SCRT2: variants seen among roughly 807,000 people sequenced by gnomAD.
SCRT2 encodes scratch family transcriptional repressor 2, also known as transcriptional repressor scratch 2.
SCRT2 carries 2 observed loss-of-function variants against 3.7 expected under a neutral mutation model. The observed-to-expected ratio is 0.54, with a 90% CI of 0.22 to 1.70. The LOEUF is 1.70. Among genes scored for constraint, SCRT2 ranks in the 40% most tolerant of loss-of-function variants. The pLI is 0.19. For missense variants in SCRT2, 456 were observed against 468.5 expected, an observed-to-expected ratio of 0.97 and a Z score of 0.25; for synonymous variants, 256 against 220.6, an observed-to-expected ratio of 1.16 and a Z score of -1.42.
At position 667,472 on chromosome 20, in the gene SCRT2, G is replaced by A. The variant is rs1310246777; in HGVS notation, c.134-3011C>T. Among the ~76,000 whole-genome samples the A allele has an allele frequency of 3.3e-5, 5 of 152,080 alleles. No individual in the cohort carries two copies. Among genetic ancestry groups the A allele is most frequent in the Middle Eastern group, 3.2e-3 (1 of 316 alleles). Reference sequence around the variant, plus strand: ...CAACACATCGTGCTGCTCCTCTCTGGGCCTCTGTTTCCTCACCCGGGATGT... The same window carrying A: ...CAACACATCGTGCTGCTCCTCTCTGAGCCTCTGTTTCCTCACCCGGGATGT... On this transcript the variant is annotated intron_variant, in intron 1 of 1. Coordinates refer to ENST00000246104, the MANE Select transcript of SCRT2 (RefSeq NM_033129.4). The surrounding 1 kb of genome is among the most constrained non-coding windows in gnomAD (Gnocchi z 4.4).
In SCRT2 at chr20:664,820, A is replaced by C. The variant is rs1984107420; in HGVS notation, c.134-359T>G. On this transcript the variant is annotated intron_variant, in intron 1 of 1. Transcript: ENST00000246104. The surrounding 1 kb of genome is among the most constrained non-coding windows in gnomAD (Gnocchi z 7.9). ...GATGCAGCAGTCTAACCTTACAGTC[A>C]GGAAGTGATGGAGCCCTTGCCAGTG... 6.6e-6 allele frequency among the ~76,000 whole-genome samples: 1 copy of C among 152,252 alleles called. No individual in the cohort carries two copies. The highest frequency in any genetic ancestry group is 2.4e-5 in the African/African-American group (1 of 41,470).
rs931386443 is a variant in SCRT2 at position 663,418 on chromosome 20, G to A, written c.*253C>T. 8 of 375,028 alleles carry A rather than the reference G, an allele frequency of 2.1e-5. No homozygotes were observed. In the South Asian group the frequency reaches 5.8e-4, roughly 27 times the overall value. The allele number at this position is 375,028 out of a possible 1,614,324, so 23.2% of individuals were successfully genotyped here. ...CCTGAGTTGGGAGCCTTGAAGGCGCGGACAGGGGGGTCAAGGTCCGAGGGA... is the reference window on the plus strand; with the variant it reads ...CCTGAGTTGGGAGCCTTGAAGGCGCAGACAGGGGGGTCAAGGTCCGAGGGA... On this transcript the variant is annotated 3_prime_UTR_variant, in exon 2 of 2. Transcript: ENST00000246104. The surrounding 1 kb of genome is among the most constrained non-coding windows in gnomAD (Gnocchi z 6.9).
Position 667,585 on chromosome 20 carries a change from T to G in SCRT2, c.134-3124A>C, listed in dbSNP as rs1385443126. On this transcript the variant is annotated intron_variant, in intron 1 of 1. Coordinates refer to ENST00000246104, the MANE Select transcript of SCRT2 (RefSeq NM_033129.4). The surrounding 1 kb of genome is among the most constrained non-coding windows in gnomAD (Gnocchi z 4.4). ...AACCAGAGCGTTCTCCATGAGGTGC[T>G]CTGCCCATGGCGCCCTCTGCTGGTG... 1.3e-5 allele frequency among the ~76,000 whole-genome samples: 2 copies of G among 152,198 alleles called. No individual in the cohort carries two copies. The highest frequency in any genetic ancestry group is 4.8e-5 in the African/African-American group (2 of 41,454).
At chr20:672,429 G>GCA (rs1984369907) in intron 1 of SCRT2, among the ~76,000 whole-genome samples, 1 of 151,492 alleles carries the variant, frequency 6.6e-6, no homozygotes, top group Non-Finnish European at 1.5e-5. Context: ...GTGTGCGCGC[G>GCA]TGCGTGTGTG....
At position 662,366 on chromosome 20, in the gene SCRT2, GC is replaced by G; in HGVS notation, c.*1304del. ...GGAAGGTTCAGGAAGGTGGGGACCT[GC>G]CCCACGCCTGGACCTCCTGATGCTC... is the stretch of plus-strand genomic sequence containing the variant. On this transcript the variant is annotated 3_prime_UTR_variant, in exon 2 of 2. Transcript: ENST00000246104. 1 of 152,546 alleles carries G rather than the reference GC, an allele frequency of 6.6e-6. No individual in the cohort carries two copies. Among genetic ancestry groups the G allele is most frequent in the Non-Finnish European group, 1.5e-5 (1 of 68,096 alleles). 9.4% of individuals were successfully genotyped at this position (152,546 alleles called of 1,614,324 possible). A position where few individuals can be genotyped will look rare whatever the true frequency, so the allele number is the denominator to read the frequency against.
At position 664,203 on chromosome 20, in the gene SCRT2, C is replaced by T. The variant is rs1488076573; in HGVS notation, c.392G>A (p.Gly131Asp). ...CCCGGCGCCCCCCGCGTCTCCCGAG[C>T]CCCCCGCGTCCCCGCCGCCCCCGCC... ...RRGGGGGDAGGSGDAGGAGGR... is the reference protein window; with the variant it reads ...RRGGGGGDAGDSGDAGGAGGR... Residue 131 changes from glycine (G) to aspartate (D), a missense_variant, in exon 2 of 2, where the codon GGC becomes GAC. Around this residue, in one of 3 missense-constraint regions of SCRT2, gnomAD observed 306 missense variants for 305.3 expected, o/e 1.00. Coordinates refer to ENST00000246104, the MANE Select transcript of SCRT2 (RefSeq NM_033129.4). This position sits in a 1 kb window ranked among gnomAD's most constrained non-coding sequence, Gnocchi z 7.9. The T allele has an allele frequency of 1.7e-5, 20 of 1,156,950 alleles. No individual in the cohort carries two copies. Among genetic ancestry groups the T allele is most frequent in the Non-Finnish European group, 2.1e-5 (20 of 939,016 alleles). The allele number at this position is 1,156,950 out of a possible 1,614,324, so 71.7% of individuals were successfully genotyped here.
chr20:670,734 G>A (rs1006541656), intron 1 of SCRT2, among the ~76,000 whole-genome samples: 3 of 151,832 alleles, frequency 2.0e-5, no homozygotes, highest in African/African-American at 7.3e-5. Flanking sequence ...GGGACTTGGT[G>A]TACTCTCTGG....
chr20:664,241 C>A lies in SCRT2; in HGVS notation c.354G>T (p.Ser118=). 1 of 1,343,694 alleles carries A rather than the reference C, an allele frequency of 7.4e-7. No individual in the cohort carries two copies. The highest frequency in any genetic ancestry group is 1.5e-5 in the African/African-American group (1 of 67,048). 83.2% of individuals were successfully genotyped at this position (1,343,694 alleles called of 1,614,324 possible). A position where few individuals can be genotyped will look rare whatever the true frequency, so the allele number is the denominator to read the frequency against. Residue 118 remains serine (S), a synonymous_variant, in exon 2 of 2, where the codon TCG becomes TCT. Transcript: ENST00000246104. The surrounding 1 kb of genome is among the most constrained non-coding windows in gnomAD (Gnocchi z 7.9). ...MDAFFISDGR[S]RRRRGGGGGD... ...CGCCGCCCCCGCCCCGCCGCCGCCG[C>A]GAGCGCCCGTCCGAGATGAAGAAGG...
intron 1 of SCRT2, among the ~76,000 whole-genome samples, chr20:673,753 G>C (rs575924950): frequency 2.0e-5 from 3 of 152,318 alleles, no homozygotes; most frequent in African/African-American, 7.2e-5. Flanking sequence ...AGTTTTGGCT[G>C]TGCATGGGAA....
rs1260262034 is a variant in SCRT2 at position 665,202 on chromosome 20, A to C, written c.134-741T>G. Among the ~76,000 whole-genome samples, 1 of 152,272 alleles carries C rather than the reference A, an allele frequency of 6.6e-6. No homozygotes were observed. The highest frequency in any genetic ancestry group is 1.9e-4 in the East Asian group (1 of 5,178). ...ATAATTATGCTTTTTACTTGCTTGG[A>C]GATAGTTTCCTCCCCCACCACACTG... is the stretch of plus-strand genomic sequence containing the variant. On this transcript the variant is annotated intron_variant, in intron 1 of 1. Transcript: ENST00000246104. This position sits in a 1 kb window ranked among gnomAD's most constrained non-coding sequence, Gnocchi z 5.0.
In SCRT2 at chr20:666,143, A is replaced by G. The variant is rs1984146959; in HGVS notation, c.134-1682T>C. On this transcript the variant is annotated intron_variant, in intron 1 of 1. Coordinates refer to ENST00000246104, the MANE Select transcript of SCRT2 (RefSeq NM_033129.4). The surrounding 1 kb of genome is among the most constrained non-coding windows in gnomAD (Gnocchi z 4.4). Reference sequence around the variant, plus strand: ...AAGTCATTGTGGATTATGGAAGTGGATGACTCGGAAGCGGGGGGCTCTGTG... The same window carrying G: ...AAGTCATTGTGGATTATGGAAGTGGGTGACTCGGAAGCGGGGGGCTCTGTG... Among the ~76,000 whole-genome samples, 1 of 152,128 alleles carries G rather than the reference A, an allele frequency of 6.6e-6. No individual in the cohort carries two copies. Among genetic ancestry groups the G allele is most frequent in the Non-Finnish European group, 1.5e-5 (1 of 68,022 alleles).
chr20:669,830 TC>T (rs2047300823), intron 1 of SCRT2, among the ~76,000 whole-genome samples: 1 of 152,038 alleles, frequency 6.6e-6, no homozygotes, highest in African/African-American at 2.4e-5. Flanking sequence ...TGTTAGCGGT[TC>T]CCTGGGCACT....
At chr20:674,352 TTC>T (rs1223736380) in intron 1 of SCRT2, among the ~76,000 whole-genome samples, 12 of 109,248 alleles carry the variant, frequency 1.1e-4, no homozygotes, top group South Asian at 3.3e-4. Flanking sequence ...ATCTCCCTCT[TTC>T]TCTCTCTCTC....
Position 675,449 on chromosome 20 carries a change from C to T in SCRT2, c.133+20G>A. 1 of 1,304,626 alleles carries T rather than the reference C, an allele frequency of 7.7e-7. No individual in the cohort carries two copies. The highest frequency in any genetic ancestry group is 2.4e-5 in the South Asian group (1 of 40,952). The allele number at this position is 1,304,626 out of a possible 1,614,324, so 80.8% of individuals were successfully genotyped here. A position where few individuals can be genotyped will look rare whatever the true frequency, so the allele number is the denominator to read the frequency against. On this transcript the variant is annotated intron_variant, in intron 1 of 1. Coordinates refer to ENST00000246104, the MANE Select transcript of SCRT2 (RefSeq NM_033129.4). This position sits in a 1 kb window ranked among gnomAD's most constrained non-coding sequence, Gnocchi z 6.9. ...CTCGCCTCTTCTCCCAACCCCCCGC[C>T]CCCGCCGGGTCCCACTCACCGTTGT...
Position 663,169 on chromosome 20 carries a change from C to T in SCRT2, c.*502G>A, listed in dbSNP as rs1251812242. 1 of 155,786 alleles carries T rather than the reference C, an allele frequency of 6.4e-6. No individual in the cohort carries two copies. The highest frequency in any genetic ancestry group is 1.4e-5 in the Non-Finnish European group (1 of 70,810). 9.7% of individuals were successfully genotyped at this position (155,786 alleles called of 1,614,324 possible). On this transcript the variant is annotated 3_prime_UTR_variant, in exon 2 of 2. Transcript: ENST00000246104. This position sits in a 1 kb window ranked among gnomAD's most constrained non-coding sequence, Gnocchi z 6.9. ...GGATGGTCTGGGGTTGGACTGTGGTCTCAGGGCGGCAGGGCCTGCGTCCAG... is the reference window on the plus strand; with the variant it reads ...GGATGGTCTGGGGTTGGACTGTGGTTTCAGGGCGGCAGGGCCTGCGTCCAG...
chr20:674,329 T>C (rs1984439724), intron 1 of SCRT2, among the ~76,000 whole-genome samples: 1 of 147,782 alleles, frequency 6.8e-6, no homozygotes, highest in Non-Finnish European at 1.5e-5. Flanking sequence ...GTCCTTTCTT[T>C]TCTCCTCTCT....
chr20:672,180 A>T (rs1396599694), intron 1 of SCRT2, among the ~76,000 whole-genome samples: 1 of 152,122 alleles, frequency 6.6e-6, no homozygotes, highest in Non-Finnish European at 1.5e-5. Flanking sequence ...ATCTTACTTG[A>T]GGGGACAATG....
rs1458907356 is a variant in SCRT2 at position 672,401 on chromosome 20, G to C, written c.133+3068C>G. ...AAGAGCATTGCTCGTGTGTGTGTGT[G>C]TGTGTGTGTGTGTGTGTGTGTGCGC... On this transcript the variant is annotated intron_variant, in intron 1 of 1. Coordinates refer to ENST00000246104, the MANE Select transcript of SCRT2 (RefSeq NM_033129.4). Among the ~76,000 whole-genome samples, 6 of 139,200 alleles carry C rather than the reference G, an allele frequency of 4.3e-5. No homozygotes were observed. In the East Asian group the frequency reaches 1.2e-3, roughly 27 times the overall value. 91.3% of individuals were successfully genotyped at this position (139,200 alleles called of 152,430 possible).
chr20:664,829 T>C lies in SCRT2; in HGVS notation c.134-368A>G, dbSNP rs942700274. ...GTCTAACCTTACAGTCAGGAAGTGA[T>C]GGAGCCCTTGCCAGTGTGACCCTGA... On this transcript the variant is annotated intron_variant, in intron 1 of 1. Coordinates refer to ENST00000246104, the MANE Select transcript of SCRT2 (RefSeq NM_033129.4). This position sits in a 1 kb window ranked among gnomAD's most constrained non-coding sequence, Gnocchi z 7.9. 2.0e-5 allele frequency among the ~76,000 whole-genome samples: 3 copies of C among 152,330 alleles called. No individual in the cohort carries two copies. The highest frequency in any genetic ancestry group is 2.0e-4 in the Admixed American group (3 of 15,308).
Sources: gnomAD v4.1 joint callset for allele counts (sites outside exome capture counted in the v4.1 genomes callset) on GRCh38, gnomAD v4.1.1 for gene constraint, gnomAD v4.1.1 regional missense constraint, Gnocchi (gnomAD v3.1) non-coding constraint, MANE v1.5 for transcripts, NCBI Gene and HGNC (gene_info 2026-07-23, HGNC 2026-07-21) for gene names.